Variants in MBD5 observed in about 807,000 individuals in gnomAD.
The protein encoded by MBD5 is methyl-CpG-binding domain protein 5.
In MBD5, 13 loss-of-function variants were observed where a neutral mutation model predicts 117.3. That is an observed-to-expected ratio of 0.11 (90% confidence interval 0.07 to 0.18). The LOEUF (loss-of-function observed/expected upper bound fraction) is 0.18. Among genes scored for constraint, MBD5 ranks in the 10% least tolerant of loss-of-function variants. The pLI, the probability that MBD5 is intolerant of heterozygous loss-of-function variation, is 1.00. For synonymous variants in MBD5, 727 were observed against 766.4 expected (o/e 0.95, Z 0.85); for missense variants, 1,879 against 2,093.8 (o/e 0.90, Z 2.00).
chr2:148,386,562 C>CA (rs1422564375), intron 4 of MBD5, among the ~76,000 whole-genome samples: 2 of 150,780 alleles, frequency 1.3e-5, no homozygotes, highest in African/African-American at 2.4e-5. Context: ...ACTAAAAATA[C>CA]AAAAAAATTA....
intron 4 of MBD5, among the ~76,000 whole-genome samples, chr2:148,453,838 G>A (rs1706801970): frequency 6.6e-6 from 1 of 152,034 alleles, no homozygotes; most frequent in Admixed American, 6.6e-5. Flanking sequence ...TTTAGCAAAA[G>A]AAGGCACGCA....
intron 1 of MBD5, among the ~76,000 whole-genome samples, chr2:148,078,236 T>C (rs996943676): frequency 5.9e-5 from 9 of 152,182 alleles, no homozygotes; most frequent in African/African-American, 2.2e-4. Context: ...AAGTGATTCC[T>C]AAGGTTCTTT....
intron 1 of MBD5, among the ~76,000 whole-genome samples, chr2:148,060,132 CAAAAAAAAAAA>C (rs35925701): frequency 5.0e-4 from 7 of 14,044 alleles, no homozygotes; most frequent in Admixed American, 3.1e-3. Context: ...ACAAAAAGTG[CAAAAAAAAAAA>C]AAAAAAAAAA....
At chr2:148,204,788 A>C (rs993822706) in intron 2 of MBD5, among the ~76,000 whole-genome samples, 1 of 152,244 alleles carries the variant, frequency 6.6e-6, no homozygotes, top group African/African-American at 2.4e-5. Context: ...GAACTCAAGA[A>C]ATACTTTTTG....
chr2:148,031,075 T>C (rs1256889497), intron 1 of MBD5, among the ~76,000 whole-genome samples: 1 of 152,198 alleles, frequency 6.6e-6, no homozygotes, highest in Admixed American at 6.5e-5. Flanking sequence ...TGAGATAAGA[T>C]ATAATATATG....
At chr2:148,397,536 A>T (rs796483783) in intron 4 of MBD5, among the ~76,000 whole-genome samples, 5 of 152,138 alleles carry the variant, frequency 3.3e-5, no homozygotes, top group African/African-American at 1.2e-4. Context: ...TCACCATGTT[A>T]GCCAGTATGG....
intron 1 of MBD5, among the ~76,000 whole-genome samples, chr2:148,127,117 G>A (rs1372493299): frequency 1.3e-5 from 2 of 151,380 alleles, no homozygotes; most frequent in Non-Finnish European, 3.0e-5. Context: ...CTGGGACTAC[G>A]GGTGCGTGCC....
chr2:148,199,090 G>C (rs1042318229), intron 2 of MBD5, among the ~76,000 whole-genome samples: 1 of 152,102 alleles, frequency 6.6e-6, no homozygotes, highest in African/African-American at 2.4e-5. Flanking sequence ...TATTAAATTT[G>C]TAAGGAAGGC....
intron 2 of MBD5, among the ~76,000 whole-genome samples, chr2:148,206,920 TAGTC>T (rs1276725139): frequency 2.0e-5 from 3 of 152,178 alleles, no homozygotes; most frequent in Admixed American, 6.5e-5. Flanking sequence ...CCATTGAAAA[TAGTC>T]AGAAACACTG....
At chr2:148,253,459 G>A (rs1302147052) in intron 3 of MBD5, among the ~76,000 whole-genome samples, 2 of 152,152 alleles carry the variant, frequency 1.3e-5, no homozygotes, top group African/African-American at 4.8e-5. Flanking sequence ...ATTGGTTGCT[G>A]TGAGGGCATA....
At chr2:148,414,019 G>A (rs988652067) in intron 4 of MBD5, among the ~76,000 whole-genome samples, 4 of 151,306 alleles carry the variant, frequency 2.6e-5, no homozygotes, top group African/African-American at 9.7e-5. Context: ...CATTGGAGTT[G>A]GTTTGGTGTT....
chr2:148,038,823 G>A (rs1389027466), intron 1 of MBD5, among the ~76,000 whole-genome samples: 1 of 151,714 alleles, frequency 6.6e-6, no homozygotes, highest in East Asian at 1.9e-4. Flanking sequence ...AATTATACCA[G>A]GTTAACGAAG....
chr2:148,301,666 G>C (rs529477816), intron 3 of MBD5, among the ~76,000 whole-genome samples: 2 of 152,246 alleles, frequency 1.3e-5, no homozygotes, highest in African/African-American at 4.8e-5. Flanking sequence ...CTTCCCTTGG[G>C]GTGGGCTGTC....
chr2:148,417,795 T>C (rs1705468753), intron 4 of MBD5, among the ~76,000 whole-genome samples: 1 of 152,124 alleles, frequency 6.6e-6, no homozygotes, highest in Non-Finnish European at 1.5e-5. Flanking sequence ...TTGCCCACTT[T>C]TTAATGGGTT....
At chr2:148,482,319 G>A (rs1347034538) in intron 8 of MBD5, among the ~76,000 whole-genome samples, 1 of 152,052 alleles carries the variant, frequency 6.6e-6, no homozygotes, top group Non-Finnish European at 1.5e-5. Context: ...AAAAACTCAT[G>A]ACTGTGGATT....
intron 4 of MBD5, chr2:148,347,592 C>G (rs1242677994): frequency 6.6e-6 from 1 of 151,836 alleles, no homozygotes; most frequent in Non-Finnish European, 1.5e-5. Context: ...AATGTTCTTG[C>G]CCCAAACTTC....
intron 1 of MBD5, among the ~76,000 whole-genome samples, chr2:148,052,795 G>A (rs1451565316): frequency 1.3e-5 from 2 of 151,448 alleles, no homozygotes; most frequent in East Asian, 1.9e-4. Flanking sequence ...AAAATATATC[G>A]GTGTTTGTTT....
chr2:148,265,290 A>C (rs1700830112), intron 3 of MBD5, among the ~76,000 whole-genome samples: 1 of 152,216 alleles, frequency 6.6e-6, no homozygotes, highest in Non-Finnish European at 1.5e-5. Flanking sequence ...TAACAGCAAC[A>C]TTTTTGTGTA....
At chr2:148,316,341 T>G (rs1702157571) in intron 3 of MBD5, among the ~76,000 whole-genome samples, 1 of 152,252 alleles carries the variant, frequency 6.6e-6, no homozygotes, top group Admixed American at 6.5e-5. Context: ...GATATTTGTA[T>G]GAGTAGGTCT....
Sources: allele counts gnomAD v4.1 joint callset (sites outside exome capture counted in the v4.1 genomes callset), GRCh38; gene constraint gnomAD v4.1.1; transcripts MANE v1.5; gene names NCBI Gene and HGNC (gene_info 2026-07-23, HGNC 2026-07-21).